The following CCDC152 variants were observed in gnomAD, a reference collection of about 807,000 sequenced individuals.
The protein encoded by CCDC152 is coiled-coil domain-containing protein 152.
CCDC152 carries 37 observed loss-of-function variants against 38.1 expected under a neutral mutation model. The ratio of observed to expected loss-of-function variants is 0.97; its 90% CI spans 0.75 to 1.28. The LOEUF is 1.28. Among genes scored for constraint, CCDC152 ranks in the 50% most tolerant of loss-of-function variants. The pLI is 0.00. For missense variants in CCDC152, 259 were observed against 292.1 expected (o/e 0.89, Z 0.83); for synonymous variants, 83 against 87.1 (o/e 0.95, Z 0.26).
At chr5:42,764,022 C>T (rs532932248) in intron 3 of CCDC152, among the ~76,000 whole-genome samples, 4 of 152,176 alleles carry the variant, frequency 2.6e-5, no homozygotes, top group Admixed American at 6.5e-5. Context: ...AGAGAGTTTC[C>T]GTATACTCTC....
At chr5:42,787,639 A>G (rs1759940127) in intron 6 of CCDC152, among the ~76,000 whole-genome samples, 1 of 150,698 alleles carries the variant, frequency 6.6e-6, no homozygotes, top group African/African-American at 2.4e-5. Context: ...TCATTATATA[A>G]TAGTAGTTAG....
In CCDC152 at chr5:42,774,224, T is replaced by G. The variant is rs2973007; in HGVS notation, c.262+4559T>G. Among the ~76,000 whole-genome samples, 319 of 152,300 alleles carry G rather than the reference T, an allele frequency of 2.1e-3. 2 individuals are homozygous for G. The highest frequency in any genetic ancestry group is 7.3e-3 in the African/African-American group (302 of 41,574). Reference sequence around the variant, plus strand: ...ACCCTAAAATGTAATTTTGATGAATTGCAGATGGCTCATTGTAGTCAAATC... The same window carrying G: ...ACCCTAAAATGTAATTTTGATGAATGGCAGATGGCTCATTGTAGTCAAATC... On this transcript the variant is annotated intron_variant, in intron 4 of 8. Coordinates refer to ENST00000361970, the MANE Select transcript of CCDC152 (RefSeq NM_001134848.2).
chr5:42,793,894 C>A (rs1381506357), intron 6 of CCDC152, among the ~76,000 whole-genome samples: 1 of 152,134 alleles, frequency 6.6e-6, no homozygotes, highest in African/African-American at 2.4e-5. Flanking sequence ...CAGGTGTGAG[C>A]CACCAAGCTC....
At position 42,801,154 on chromosome 5, in the gene CCDC152, G is replaced by A; in HGVS notation, c.*1373G>A. The A allele has an allele frequency of 6.2e-7, 1 of 1,614,176 alleles. No individual in the cohort carries two copies. The highest frequency in any genetic ancestry group is 1.7e-5 in the Admixed American group (1 of 60,030). On this transcript the variant is annotated 3_prime_UTR_variant, in exon 9 of 9. Coordinates refer to ENST00000361970, the MANE Select transcript of CCDC152 (RefSeq NM_001134848.2). ...TGGTGATGAAGGCCTGGAGGAGCAG[G>A]ATGAGTAGGAGCATTTGGTGCTCCT...
At chr5:42,789,744 T>C (rs550674974) in intron 6 of CCDC152, among the ~76,000 whole-genome samples, 1 of 152,318 alleles carries the variant, frequency 6.6e-6, no homozygotes, top group African/African-American at 2.4e-5. Flanking sequence ...CATAAGCCTA[T>C]GTTGAGGGTT....
At chr5:42,775,303 A>G (rs1464735893) in intron 4 of CCDC152, among the ~76,000 whole-genome samples, 1 of 152,194 alleles carries the variant, frequency 6.6e-6, no homozygotes, top group Non-Finnish European at 1.5e-5. Flanking sequence ...TAAAAAACAA[A>G]GAAAAAATTT....
At chr5:42,757,503 G>A (rs1759496597) in intron 1 of CCDC152, among the ~76,000 whole-genome samples, 1 of 152,206 alleles carries the variant, frequency 6.6e-6, no homozygotes. Flanking sequence ...GGGGACGGTT[G>A]AAGCTGAGCC....
intron 6 of CCDC152, among the ~76,000 whole-genome samples, chr5:42,785,986 A>T (rs945132974): frequency 4.6e-5 from 7 of 151,952 alleles, no homozygotes; most frequent in African/African-American, 1.7e-4. Flanking sequence ...TTTGATCCTG[A>T]TGAATTATCT....
chr5:42,791,263 G>T (rs147450400), intron 6 of CCDC152, among the ~76,000 whole-genome samples: 205 of 152,310 alleles, frequency 1.3e-3, no homozygotes, highest in Middle Eastern at 6.8e-3. Flanking sequence ...TGCACATCAA[G>T]TCTTTTTGGC....
intron 1 of CCDC152, among the ~76,000 whole-genome samples, chr5:42,757,690 A>G (rs1353031675): frequency 6.6e-6 from 1 of 152,220 alleles, no homozygotes; most frequent in Admixed American, 6.5e-5. Flanking sequence ...CTCTGCCATT[A>G]TGGCAAAAGG....
chr5:42,762,493 A>G lies in CCDC152; in HGVS notation c.138A>G (p.Glu46=). Residue 46 remains glutamate, a synonymous_variant, in exon 3 of 9, where the codon GAA becomes GAG. Coordinates refer to ENST00000361970, the MANE Select transcript of CCDC152 (RefSeq NM_001134848.2). ...GKNNILDIQL[E]KSNCLLKVMQ... is the part of the protein sequence containing the mutation. ...ACAATATACTGGATATTCAGTTGGA[A>G]AAAAGTAATTGCCTATTAAAAGTAA... 1 of 1,542,596 alleles carries G rather than the reference A, an allele frequency of 6.5e-7. No individual in the cohort carries two copies. The highest frequency in any genetic ancestry group is 8.8e-7 in the Non-Finnish European group (1 of 1,138,992).
rs544606547 is a variant in CCDC152 at position 42,765,265 on chromosome 5, G to A, written c.193+2717G>A. ...AAACACTGATGAAAGAAATTGAAGAGGACACCAAAAAATGGAAAAATATTC... is the reference window on the plus strand; with the variant it reads ...AAACACTGATGAAAGAAATTGAAGAAGACACCAAAAAATGGAAAAATATTC... On this transcript the variant is annotated intron_variant, in intron 3 of 8. Transcript: ENST00000361970. Among the ~76,000 whole-genome samples, 15 of 152,036 alleles carry A rather than the reference G, an allele frequency of 9.9e-5. No individual in the cohort carries two copies. In the East Asian group the frequency reaches 2.9e-3, roughly 29 times the overall value.
chr5:42,778,195 C>G (rs1759793031), intron 4 of CCDC152, among the ~76,000 whole-genome samples: 1 of 152,190 alleles, frequency 6.6e-6, no homozygotes, highest in South Asian at 2.1e-4. Flanking sequence ...TTTCCATATT[C>G]TAGTGACATC....
Position 42,772,864 on chromosome 5 carries a change from C to T in CCDC152, c.262+3199C>T, listed in dbSNP as rs577277008. Among the ~76,000 whole-genome samples the T allele has an allele frequency of 1.8e-4, 27 of 152,258 alleles. No individual in the cohort carries two copies. In the Middle Eastern group the frequency reaches 0.014, roughly 77 times the overall value. On this transcript the variant is annotated intron_variant, in intron 4 of 8. Coordinates refer to ENST00000361970, the MANE Select transcript of CCDC152 (RefSeq NM_001134848.2). The stretch of plus-strand genomic sequence containing the variant: ...GCTTATTTAAGCTACCCAGTGGTTT[C>T]CTTTCCAATAGCTCTTTTCTCTCCT...
chr5:42,768,740 T>C (rs1253945731), intron 3 of CCDC152, among the ~76,000 whole-genome samples: 2 of 152,218 alleles, frequency 1.3e-5, no homozygotes, highest in African/African-American at 4.8e-5. Flanking sequence ...CATTGTCTTA[T>C]ACCAAAACAA....
In CCDC152 at chr5:42,800,968, A is replaced by G. The variant is rs1760179270; in HGVS notation, c.*1187A>G. On this transcript the variant is annotated 3_prime_UTR_variant, in exon 9 of 9. Transcript: ENST00000361970. ...ATCAGATGTCGACAATGGCAGCATC[A>G]GCTCCTAGGAGCCAACTCTGAATCT... 1 of 1,614,240 alleles carries G rather than the reference A, an allele frequency of 6.2e-7. No individual in the cohort carries two copies.
At chr5:42,777,308 C>T (rs1482652015) in intron 4 of CCDC152, among the ~76,000 whole-genome samples, 1 of 151,842 alleles carries the variant, frequency 6.6e-6, no homozygotes, top group Admixed American at 6.6e-5. Flanking sequence ...ACCAAAAATA[C>T]AAAAATTAGC....
At chr5:42,760,217 T>C (rs538877249) in intron 2 of CCDC152, among the ~76,000 whole-genome samples, 1 of 144,658 alleles carries the variant, frequency 6.9e-6, no homozygotes, top group Non-Finnish European at 1.5e-5. Flanking sequence ...CGCAGGAGAA[T>C]AGCCTAAACC....
intron 4 of CCDC152, 136 bp downstream of exon 4, chr5:42,769,801 T>G: frequency 9.8e-7 from 1 of 1,018,610 alleles, no homozygotes; most frequent in Non-Finnish European, 1.3e-6. Context: ...TTAAAAATAC[T>G]TTCCTAGATG....
Sources: gnomAD v4.1 joint callset for allele counts (sites outside exome capture counted in the v4.1 genomes callset) on GRCh38, gnomAD v4.1.1 for gene constraint, MANE v1.5 for transcripts, NCBI Gene and HGNC (gene_info 2026-07-23, HGNC 2026-07-21) for gene names.